The following TENM4 variants were observed in gnomAD, a reference collection of about 807,000 sequenced individuals.
The protein encoded by TENM4 is teneurin-4.
In TENM4, 82 loss-of-function variants were observed where a neutral mutation model predicts 243.3. The observed-to-expected ratio is 0.34, with a 90% CI of 0.28 to 0.40. TENM4 has a LOEUF of 0.40. Ranked by LOEUF, TENM4 falls within the 10% of genes least tolerant of loss-of-function variation. The probability of loss-of-function intolerance (pLI) is 1.00; values close to 1 mark genes in which losing one functional copy is unlikely to be tolerated. For synonymous variants in TENM4, 1,412 were observed against 1,456.3 expected (o/e 0.97, Z 0.69); for missense variants, 3,138 against 3,673.3 (o/e 0.85, Z 3.77).
At chr11:78,750,964 C>T (rs1053047865) in intron 19 of TENM4, among the ~76,000 whole-genome samples, 1 of 152,112 alleles carries the variant, frequency 6.6e-6, no homozygotes, top group African/African-American at 2.4e-5. Context: ...TCTGCAACCT[C>T]TGCCTCCTGG....
At chr11:78,719,990 C>T (rs1362908109) in intron 25 of TENM4, among the ~76,000 whole-genome samples, 3 of 152,184 alleles carry the variant, frequency 2.0e-5, no homozygotes, top group Admixed American at 1.3e-4. Context: ...GATTGTTCAC[C>T]TGATCAAGAT....
Position 79,297,722 on chromosome 11 carries a change from T to A in TENM4, c.-320-179A>T, listed in dbSNP as rs140817795. ...ATGAAGTGCAATAATAAATTACGCA[T>A]GATAATTAATAGTTATGTGTCAAGC... On this transcript the variant is annotated intron_variant, in intron 1 of 33. Coordinates refer to ENST00000278550, the MANE Select transcript of TENM4 (RefSeq NM_001098816.3). 2.9e-3 allele frequency among the ~76,000 whole-genome samples: 439 copies of A among 152,286 alleles called. 3 individuals are homozygous for A. The highest frequency in any genetic ancestry group is 0.014 in the Middle Eastern group (4 of 294).
rs1414359872 is a variant in TENM4 at position 78,856,158 on chromosome 11, G to C, written c.1276C>G (p.Pro426Ala). ...CCAGAATCTATGAAACTGTCCTCTGGAAAGAAACTACTGGGCTTTCCTACC... is the reference window on the plus strand; with the variant it reads ...CCAGAATCTATGAAACTGTCCTCTGCAAAGAAACTACTGGGCTTTCCTACC... ...TTEGKPSSFF[P>A]EDSFIDSGEI... The change falls in exon 11 of 34, where the codon CCA (proline) becomes GCA (alanine). Residue 426 changes from proline to alanine, a missense_variant. Pro to Ala is a conservative substitution (Grantham distance 27). Transcript: ENST00000278550. 2.6e-6 allele frequency: 4 copies of C among 1,551,428 alleles called. No individual in the cohort carries two copies. Among genetic ancestry groups the C allele is most frequent in the Admixed American group, 2.0e-5 (1 of 50,974 alleles).
intron 16 of TENM4, among the ~76,000 whole-genome samples, chr11:78,781,185 G>A (rs1856831735): frequency 6.6e-6 from 1 of 152,204 alleles, no homozygotes; most frequent in Non-Finnish European, 1.5e-5. Context: ...ATGCTGTTGA[G>A]TACAGTTGTT....
chr11:78,996,028 G>C lies in TENM4; in HGVS notation c.493+68710C>G, dbSNP rs562706498. ...CTGCTCCTTTGCTCAGCTGATTTAC[G>C]TGGAGAGAAGAAAGCCGCAAGGAGG... On this transcript the variant is annotated intron_variant, in intron 6 of 33. Transcript: ENST00000278550. Among the ~76,000 whole-genome samples the C allele has an allele frequency of 5.3e-5, 8 of 152,232 alleles. 1 individual carries two copies. Among genetic ancestry groups the C allele is most frequent in the Admixed American group, 3.9e-4 (6 of 15,280 alleles).
Position 78,670,211 on chromosome 11 carries a change from T to TTGA in TENM4, c.6131_6133dup (p.Ile2044dup). The TTGA allele has an allele frequency of 6.2e-7, 1 of 1,613,870 alleles. No individual in the cohort carries two copies. Among genetic ancestry groups the TTGA allele is most frequent in the South Asian group, 1.1e-5 (1 of 91,056 alleles). ...GCAGGTGAAGCCCTCATTCTGTAGG[T>TTGA]TGATGGTCTTCAGCATGCCTGCCGT... On this transcript the variant is annotated inframe_insertion, in exon 32 of 34. Transcript: ENST00000278550.
At chr11:79,164,055 T>G (rs1402951542) in intron 3 of TENM4, among the ~76,000 whole-genome samples, 2 of 18,976 alleles carry the variant, frequency 1.1e-4, no homozygotes, top group Non-Finnish European at 2.6e-4. Context: ...ATAAATACTA[T>G]GTATATATAG....
intron 1 of TENM4, chr11:79,439,142 G>A (rs568340962): frequency 4.3e-5 from 6 of 140,430 alleles, no homozygotes; most frequent in Non-Finnish European, 7.8e-5. Context: ...CCCCCACCCC[G>A]GCGATTGGAA....
In TENM4 at chr11:78,738,556, A is replaced by G; in HGVS notation, c.2771T>C (p.Ile924Thr). Residue 924 changes from isoleucine to threonine, a missense_variant, in exon 20 of 34, where the codon ATT becomes ACT. Transcript: ENST00000278550. ...ATCTGATGTCATCACTTGGCCACGA[A>G]TAACACAAGCATGCCTGTGGGAAGA... Reference protein sequence around the residue: ...NPFDGGHACVIRGQVMTSDGT... With the variant: ...NPFDGGHACVTRGQVMTSDGT... 1 of 1,613,802 alleles carries G rather than the reference A, an allele frequency of 6.2e-7. No homozygotes were observed. Among genetic ancestry groups the G allele is most frequent in the African/African-American group, 1.3e-5 (1 of 75,060 alleles).
At chr11:78,983,498 T>C (rs1857849480) in intron 6 of TENM4, among the ~76,000 whole-genome samples, 1 of 152,252 alleles carries the variant, frequency 6.6e-6, no homozygotes, top group Non-Finnish European at 1.5e-5. Flanking sequence ...GCTCATGGTG[T>C]CCTGCCTTGG....
At chr11:79,243,818 G>A (rs1287803940) in intron 2 of TENM4, among the ~76,000 whole-genome samples, 7 of 152,236 alleles carry the variant, frequency 4.6e-5, no homozygotes, top group Non-Finnish European at 8.8e-5. Context: ...AGAGCAGGCG[G>A]CAACTGAGAG....
chr11:78,805,277 T>TACCCCCCCCCCCCACC lies in TENM4; in HGVS notation c.2179+14_2179+15insGGTGGGGGGGGGGGGT. ...CCCCTCCCTCTACCCATGCTTCTTC[T>TACCCCCCCCCCCCACC]CCCCCTGCATTTACCGATAGAACAG... On this transcript the variant is annotated intron_variant, in intron 15 of 33. Coordinates refer to ENST00000278550, the MANE Select transcript of TENM4 (RefSeq NM_001098816.3). 1 of 1,402,550 alleles carries TACCCCCCCCCCCCACC rather than the reference T, an allele frequency of 7.1e-7. No individual in the cohort carries two copies. Among genetic ancestry groups the TACCCCCCCCCCCCACC allele is most frequent in the Non-Finnish European group, 9.7e-7 (1 of 1,033,116 alleles). 86.9% of individuals were successfully genotyped at this position (1,402,550 alleles called of 1,614,324 possible).
intron 11 of TENM4, among the ~76,000 whole-genome samples, chr11:78,855,028 T>C (rs1269880453): frequency 6.6e-5 from 10 of 152,146 alleles, no homozygotes; most frequent in Admixed American, 6.5e-4. Context: ...TACTGGCCTA[T>C]TAGCAAGCAA....
intron 4 of TENM4, among the ~76,000 whole-genome samples, chr11:79,094,319 A>T (rs1861028285): frequency 6.6e-6 from 1 of 152,176 alleles, no homozygotes; most frequent in Non-Finnish European, 1.5e-5. Context: ...TATCCCTCAC[A>T]GCAGCTCTGT....
intron 4 of TENM4, among the ~76,000 whole-genome samples, chr11:79,112,389 C>A (rs562730531): frequency 2.1e-4 from 32 of 152,218 alleles, no homozygotes; most frequent in African/African-American, 7.7e-4. Context: ...GTAAGCCCTG[C>A]TCAGGGCTGC....
At position 78,787,048 on chromosome 11, in the gene TENM4, A is replaced by G. The variant is rs1464301265; in HGVS notation, c.2215T>C (p.Cys739Arg). Residue 739 changes from cysteine to arginine, a missense_variant, in exon 16 of 34, where the codon TGC becomes CGC. Cys to Arg is a radical substitution (Grantham distance 180, BLOSUM62 -3). Transcript: ENST00000278550. ...CAADCGGHGVCVGGTCRCEDG... is the reference protein window; with the variant it reads ...CAADCGGHGVRVGGTCRCEDG... ...TCGCAGCGGCAGGTGCCCCCTACGC[A>G]CACGCCATGGCCACCACAGTCGGCA... 3 of 1,551,802 alleles carry G rather than the reference A, an allele frequency of 1.9e-6. No individual in the cohort carries two copies. The highest frequency in any genetic ancestry group is 3.9e-5 in the Admixed American group (2 of 51,124).
intron 1 of TENM4, among the ~76,000 whole-genome samples, chr11:79,304,501 CT>C (rs1243577977): frequency 2.0e-5 from 3 of 152,318 alleles, no homozygotes; most frequent in African/African-American, 4.8e-5. Flanking sequence ...ATTTTTCCCC[CT>C]GGACATCCAC....
At chr11:79,415,042 C>G (rs534688275) in intron 1 of TENM4, among the ~76,000 whole-genome samples, 1 of 152,198 alleles carries the variant, frequency 6.6e-6, no homozygotes. Flanking sequence ...CTTCACCCCA[C>G]CACTTTGCAG....
chr11:78,809,845 T>C (rs930034146), intron 14 of TENM4, among the ~76,000 whole-genome samples: 1 of 152,226 alleles, frequency 6.6e-6, no homozygotes, highest in Admixed American at 6.5e-5. Context: ...ATGACCAGGC[T>C]GCGGACACAG....
Sources: allele counts gnomAD v4.1 joint callset (sites outside exome capture counted in the v4.1 genomes callset), GRCh38; gene constraint gnomAD v4.1.1; transcripts MANE v1.5; gene names NCBI Gene and HGNC (gene_info 2026-07-23, HGNC 2026-07-21).